TRAPPC9: variants seen among roughly 807,000 people sequenced by gnomAD.
The protein encoded by TRAPPC9 is IKK2 binding protein.
Under a neutral mutation model 124.0 loss-of-function variants are expected in TRAPPC9, and 83 were observed. The observed-to-expected ratio is 0.67, with a 90% confidence interval of 0.56 to 0.80. The LOEUF (loss-of-function observed/expected upper bound fraction) is 0.80, where lower values mean the gene tolerates loss of function less well. Ranked by LOEUF, TRAPPC9 falls within the 30% of genes least tolerant of loss-of-function variation. The pLI, the probability that TRAPPC9 is intolerant of heterozygous loss-of-function variation, is 0.00. For missense variants in TRAPPC9, 1,302 were observed against 1,508.3 expected (o/e 0.86, Z 2.27); for synonymous variants, 638 against 617.5 (o/e 1.03, Z -0.49).
At chr8:139,877,212 T>G (rs937605899) in intron 21 of TRAPPC9, among the ~76,000 whole-genome samples, 2 of 152,134 alleles carry the variant, frequency 1.3e-5, no homozygotes, top group African/African-American at 2.4e-5. Context: ...AAGAGGAAAG[T>G]GTTAGCAGTG....
At chr8:139,879,689 C>T (rs1334297600) in intron 21 of TRAPPC9, among the ~76,000 whole-genome samples, 2 of 152,232 alleles carry the variant, frequency 1.3e-5, no homozygotes, top group East Asian at 1.9e-4. Flanking sequence ...CAGGCACCTC[C>T]TCTCCTAGCC....
intron 17 of TRAPPC9, among the ~76,000 whole-genome samples, chr8:140,214,935 T>C (rs973059912): frequency 6.6e-5 from 10 of 152,214 alleles, no homozygotes; most frequent in African/African-American, 2.2e-4. Flanking sequence ...GATAGTTTTA[T>C]AGGTTTAGCA....
intron 17 of TRAPPC9, among the ~76,000 whole-genome samples, chr8:140,072,517 C>CCAAA (rs1843218170): frequency 9.1e-6 from 1 of 109,532 alleles, no homozygotes; most frequent in African/African-American, 3.3e-5. Context: ...GACTCCGTCT[C>CCAAA]AAAAAAAAAA....
chr8:139,844,304 C>T (rs979463895), intron 21 of TRAPPC9, among the ~76,000 whole-genome samples: 2 of 152,244 alleles, frequency 1.3e-5, no homozygotes, highest in African/African-American at 2.4e-5. Context: ...AAGGTCATGT[C>T]CATTTCTTGG....
chr8:140,017,008 T>C (rs1409394862), intron 18 of TRAPPC9, among the ~76,000 whole-genome samples: 2 of 152,336 alleles, frequency 1.3e-5, no homozygotes, highest in South Asian at 2.1e-4. Context: ...AGTATCTAAT[T>C]GGGGTTTTAA....
intron 9 of TRAPPC9, among the ~76,000 whole-genome samples, chr8:140,357,120 T>C (rs1157496940): frequency 6.6e-6 from 1 of 152,012 alleles, no homozygotes; most frequent in Non-Finnish European, 1.5e-5. Context: ...ACCAACTAAA[T>C]ACGTAACTGA....
chr8:140,428,146 T>G (rs1229862008), intron 4 of TRAPPC9, among the ~76,000 whole-genome samples: 1 of 152,150 alleles, frequency 6.6e-6, no homozygotes. Context: ...TGGCCAAATA[T>G]ATTATACTAT....
At chr8:140,018,234 A>G (rs945279546) in intron 18 of TRAPPC9, among the ~76,000 whole-genome samples, 2 of 151,988 alleles carry the variant, frequency 1.3e-5, no homozygotes, top group African/African-American at 4.8e-5. Flanking sequence ...ATGTTTTCCT[A>G]AGTGTTTTAT....
chr8:140,188,606 C>G (rs1281906627), intron 17 of TRAPPC9, among the ~76,000 whole-genome samples: 1 of 152,220 alleles, frequency 6.6e-6, no homozygotes, highest in Non-Finnish European at 1.5e-5. Context: ...CTGGCCTATC[C>G]CTGCCTTTAA....
intron 21 of TRAPPC9, among the ~76,000 whole-genome samples, chr8:139,858,124 T>G (rs1827912648): frequency 6.6e-6 from 1 of 152,196 alleles, no homozygotes; most frequent in African/African-American, 2.4e-5. Flanking sequence ...AAATGAAATC[T>G]AAAAACATTA....
chr8:140,352,455 G>A (rs1334057312), intron 9 of TRAPPC9, among the ~76,000 whole-genome samples: 1 of 152,148 alleles, frequency 6.6e-6, no homozygotes, highest in Non-Finnish European at 1.5e-5. Flanking sequence ...ATGAGACCTG[G>A]GATTCTGTGC....
In TRAPPC9 at chr8:139,949,394, A is replaced by G. The variant is rs544949980; in HGVS notation, c.2811-39094T>C. Among the ~76,000 whole-genome samples the G allele has an allele frequency of 3.9e-5, 6 of 152,332 alleles. No homozygotes were observed. In the East Asian group the frequency reaches 1.2e-3, roughly 29 times the overall value. ...CGTATGACCCAACAATTTCATTTCT[A>G]GGAGACATCCGTGGGCAATGAGAAC... On this transcript the variant is annotated intron_variant, in intron 19 of 22. Coordinates refer to ENST00000438773, the MANE Select transcript of TRAPPC9 (RefSeq NM_001160372.4).
rs771057433 is a variant in TRAPPC9 at position 140,221,530 on chromosome 8, G to A, written c.2485C>T (p.Arg829Trp). ...PLSSPFRQVV[R>W]PRVEGKPVNP... Reference sequence around the variant, plus strand: ...ACAGGTTTGCCCTCCACTCGGGGCCGAACGACCTGCCGAAAAGGACTGGAC... The same window carrying A: ...ACAGGTTTGCCCTCCACTCGGGGCCAAACGACCTGCCGAAAAGGACTGGAC... The change falls in exon 17 of 23, where the codon CGG (arginine) becomes TGG (tryptophan). Residue 829 changes from arginine (R) to tryptophan (W), a missense_variant. Arg to Trp is a moderately radical substitution (Grantham distance 101). Coordinates refer to ENST00000438773, the MANE Select transcript of TRAPPC9 (RefSeq NM_001160372.4). 3.1e-5 allele frequency: 50 copies of A among 1,614,008 alleles called. No individual in the cohort carries two copies. The highest frequency in any genetic ancestry group is 6.7e-5 in the Admixed American group (4 of 60,002).
In TRAPPC9 at chr8:139,770,142, C is replaced by T. The variant is rs1415943110; in HGVS notation, c.3056-37940G>A. 2.0e-5 allele frequency among the ~76,000 whole-genome samples: 3 copies of T among 152,244 alleles called. No homozygotes were observed. In the East Asian group the frequency reaches 5.8e-4, roughly 29 times the overall value. On this transcript the variant is annotated intron_variant, in intron 21 of 22. Transcript: ENST00000438773. Reference sequence around the variant, plus strand: ...CTCCCATCTGCACTGCAGGTCTCTTCAGGACCCTTCATTTCCTAAGGCACC... The same window carrying T: ...CTCCCATCTGCACTGCAGGTCTCTTTAGGACCCTTCATTTCCTAAGGCACC...
intron 13 of TRAPPC9, among the ~76,000 whole-genome samples, chr8:140,286,114 A>G (rs1273362694): frequency 6.6e-6 from 1 of 152,230 alleles, no homozygotes; most frequent in African/African-American, 2.4e-5. Flanking sequence ...GGAGGAAGGA[A>G]AGCCTGTGCT....
intron 21 of TRAPPC9, among the ~76,000 whole-genome samples, chr8:139,814,423 G>A (rs1274164298): frequency 8.5e-5 from 13 of 152,166 alleles, no homozygotes; most frequent in Non-Finnish European, 1.5e-4. Context: ...GCAGGAGGGA[G>A]GGTAAGAAGT....
At chr8:140,327,918 T>C (rs2066782551) in intron 9 of TRAPPC9, among the ~76,000 whole-genome samples, 3 of 152,222 alleles carry the variant, frequency 2.0e-5, no homozygotes, top group Non-Finnish European at 4.4e-5. Flanking sequence ...GTACATTTTG[T>C]GTTGTGTATA....
At chr8:140,268,225 A>G (rs1007026317) in intron 15 of TRAPPC9, among the ~76,000 whole-genome samples, 3 of 152,178 alleles carry the variant, frequency 2.0e-5, no homozygotes, top group African/African-American at 7.2e-5. Flanking sequence ...TTTCTCCTAT[A>G]GTTAACATCC....
chr8:140,208,688 G>C (rs1270545036), intron 17 of TRAPPC9, among the ~76,000 whole-genome samples: 1 of 152,212 alleles, frequency 6.6e-6, no homozygotes, highest in African/African-American at 2.4e-5. Context: ...GTCAGCCCCT[G>C]TAGCAGGCAC....
Sources: allele counts gnomAD v4.1 joint callset (sites outside exome capture counted in the v4.1 genomes callset), GRCh38; gene constraint gnomAD v4.1.1; transcripts MANE v1.5; gene names NCBI Gene and HGNC (gene_info 2026-07-23, HGNC 2026-07-21).